Variants in RGPD1 observed in about 807,000 individuals in gnomAD.
RGPD1 encodes RANBP2 like and GRIP domain containing 1, also known as RANBP2-like and GRIP domain-containing protein 1.
Under a neutral mutation model 40.6 loss-of-function variants are expected in RGPD1, and 7 were observed. The ratio of observed to expected loss-of-function variants is 0.17; its 90% CI spans 0.10 to 0.32. The LOEUF is 0.32. RGPD1 is among the 10% of genes least tolerant of loss of function. The pLI is 1.00. For missense variants in RGPD1, 50 were observed against 472.5 expected, an observed-to-expected ratio of 0.11 and a Z score of 8.29; for synonymous variants, 24 against 167.0, an observed-to-expected ratio of 0.14 and a Z score of 6.60.
chr2:86,926,860 A>T (rs1678545232), intron 1 of RGPD1, among the ~76,000 whole-genome samples: 2 of 151,800 alleles, frequency 1.3e-5, no homozygotes, highest in African/African-American at 4.8e-5. Context: ...CCTACTTGCA[A>T]TATTATCTTC....
upstream of RGPD1, among the ~76,000 whole-genome samples, chr2:86,941,736 G>A (rs1235161386): frequency 6.7e-6 from 1 of 150,240 alleles, no homozygotes; most frequent in African/African-American, 2.5e-5. Flanking sequence ...TTTTTTTTAG[G>A]AAGTCTTACT....
At chr2:86,956,092 A>G (rs1229002970) in intron 4 of RGPD1, among the ~76,000 whole-genome samples, 3 of 143,854 alleles carry the variant, frequency 2.1e-5, no homozygotes, top group African/African-American at 7.8e-5. Flanking sequence ...TTCTCCTAAA[A>G]TTTAAGGCTT....
chr2:86,927,464 TCTG>T (rs1483220465), intron 1 of RGPD1, among the ~76,000 whole-genome samples: 4 of 150,726 alleles, frequency 2.7e-5, no homozygotes, highest in Non-Finnish European at 5.9e-5. Context: ...GTGTTTCCTC[TCTG>T]CTAAGTATAG....
chr2:86,943,655 G>C (rs567502851), intron 1 of RGPD1, among the ~76,000 whole-genome samples: 20 of 152,280 alleles, frequency 1.3e-4, no homozygotes, highest in Non-Finnish European at 2.8e-4. Context: ...TAAACATTTA[G>C]GGTATTGCTT....
intron 1 of RGPD1, among the ~76,000 whole-genome samples, chr2:86,943,505 G>A (rs551329532): frequency 1.3e-5 from 2 of 152,200 alleles, no homozygotes; most frequent in African/African-American, 4.8e-5. Flanking sequence ...AGGTGGATGT[G>A]CACAGAATCT....
At chr2:86,919,093 A>ATC (rs1677948113) in intron 1 of RGPD1, among the ~76,000 whole-genome samples, 1 of 42,844 alleles carries the variant, frequency 2.3e-5, no homozygotes, top group Admixed American at 2.6e-4. Context: ...CAAGAATTGA[A>ATC]TCTTAAAAGA....
chr2:86,934,440 A>C (rs1393540179), intron 1 of RGPD1: 1 of 127,468 alleles, frequency 7.8e-6, no homozygotes, highest in African/African-American at 3.0e-5. Flanking sequence ...AAGAATACAT[A>C]GTCATCATTG....
intron 1 of RGPD1, chr2:86,930,635 AC>A (rs1435314756): frequency 8.7e-6 from 14 of 1,611,256 alleles, no homozygotes; most frequent in African/African-American, 1.3e-5. Context: ...AGCAGTGAAC[AC>A]TCTCACAGAG....
chr2:86,942,193 T>C lies in RGPD1; in HGVS notation c.-44T>C, dbSNP rs76156574. 1.9e-6 allele frequency: 3 copies of C among 1,541,720 alleles called. No homozygotes were observed. Among genetic ancestry groups the C allele is most frequent in the Non-Finnish European group, 2.6e-6 (3 of 1,137,776 alleles). On this transcript the variant is annotated 5_prime_UTR_variant, in exon 1 of 23. Transcript: ENST00000641458. ...TTGGAATTGGCGACTGCTGCGGGGCTGAGCGCTGGTTTCACGCGTCTCGGG... is the reference window on the plus strand; with the variant it reads ...TTGGAATTGGCGACTGCTGCGGGGCCGAGCGCTGGTTTCACGCGTCTCGGG...
chr2:86,978,095 CTTG>C (rs1416480289), intron 17 of RGPD1, among the ~76,000 whole-genome samples, 164 bp downstream of exon 17: 7 of 119,100 alleles, frequency 5.9e-5, no homozygotes, highest in East Asian at 2.1e-4. Flanking sequence ...AAGGCAGGGT[CTTG>C]TTGTGCAGGC....
At chr2:86,939,302 A>G (rs147842983), upstream of RGPD1, among the ~76,000 whole-genome samples, 1,699 of 145,894 alleles carry the variant, frequency 0.012, 111 homozygotes, top group African/African-American at 0.014. Context: ...GATGCTGGGC[A>G]CGGTGGATGC....
At chr2:86,914,031 G>A in intron 1 of RGPD1, 1 of 57,964 alleles carries the variant, frequency 1.7e-5, no homozygotes, top group Non-Finnish European at 3.3e-5. Context: ...CGGCGGCGGC[G>A]GCGGCGGCGG....
intron 1 of RGPD1, among the ~76,000 whole-genome samples, chr2:86,942,617 C>G (rs1489652086): frequency 7.5e-6 from 1 of 133,602 alleles, no homozygotes. Flanking sequence ...GGGCGCTGCT[C>G]CCTGGCGCGC....
rs1680404420 is a variant in RGPD1 at position 86,947,635 on chromosome 2, C to T, written c.73-3661C>T. 4.9e-5 allele frequency among the ~76,000 whole-genome samples: 6 copies of T among 123,600 alleles called. 1 individual carries two copies. The South Asian group carries it at 1.4e-3, about 29-fold the overall frequency. The allele number at this position is 123,600 out of a possible 152,430, so 81.1% of individuals were successfully genotyped here. A position where few individuals can be genotyped will look rare whatever the true frequency, so the allele number is the denominator to read the frequency against. On this transcript the variant is annotated intron_variant, in intron 1 of 22. Coordinates refer to ENST00000641458, the MANE Select transcript of RGPD1 (RefSeq NM_001382344.1). ...CTTACCCTTTTTTTAATGATGTTTACCTGAAAGCTGGAGTTTCTCTAATTT... is the reference window on the plus strand; with the variant it reads ...CTTACCCTTTTTTTAATGATGTTTATCTGAAAGCTGGAGTTTCTCTAATTT...
At position 86,988,456 on chromosome 2, in the gene RGPD1, A is replaced by C. The variant is rs1222523427; in HGVS notation, c.4900+657A>C. ...ACTTTGTCTCCAAAAAAAAAAAAAA[A>C]AAACAAAAAAACAAAAAAAACCATG... is the stretch of plus-strand genomic sequence containing the variant. On this transcript the variant is annotated intron_variant, in intron 20 of 22. Transcript: ENST00000641458. Among the ~76,000 whole-genome samples the C allele has an allele frequency of 1.8e-4, 18 of 101,972 alleles. 3 individuals are homozygous for C. The highest frequency in any genetic ancestry group is 6.3e-4 in the African/African-American group (18 of 28,790). 66.9% of individuals were successfully genotyped at this position (101,972 alleles called of 152,430 possible). A position where few individuals can be genotyped will look rare whatever the true frequency, so the allele number is the denominator to read the frequency against.
At chr2:86,931,385 G>C (rs1573584967) in intron 1 of RGPD1, among the ~76,000 whole-genome samples, 1 of 150,120 alleles carries the variant, frequency 6.7e-6, no homozygotes, top group Admixed American at 6.6e-5. Flanking sequence ...TCTATGTTCT[G>C]GTTTATGTTT....
At chr2:86,944,202 T>C (rs1404112535) in intron 1 of RGPD1, among the ~76,000 whole-genome samples, 1 of 152,078 alleles carries the variant, frequency 6.6e-6, no homozygotes, top group African/African-American at 2.4e-5. Flanking sequence ...CAGCAGAATT[T>C]TGGCAGTGGG....
rs968034528 is a variant in RGPD1 at position 86,942,244 on chromosome 2, G to A, written c.8G>A (p.Arg3His). 36 of 1,605,554 alleles carry A rather than the reference G, an allele frequency of 2.2e-5. No individual in the cohort carries two copies. Among genetic ancestry groups the A allele is most frequent in the East Asian group, 9.0e-5 (4 of 44,636 alleles). ...AGCCAGGTTGGCGGTGCGATGAGGC[G>A]CAGCAAGGCCTACGGGGAGCGGTAC... MR[R>H]SKAYGERYVA... The change falls in exon 1 of 23, where the codon CGC becomes CAC. Residue 3 changes from arginine (R) to histidine (H), a missense_variant. By Grantham distance (29) the Arg-to-His change is conservative. Coordinates refer to ENST00000641458, the MANE Select transcript of RGPD1 (RefSeq NM_001382344.1).
rs202136141 is a variant in RGPD1 at position 86,914,591 on chromosome 2, C to T, written c.72+670C>T. Among the ~76,000 whole-genome samples the T allele has an allele frequency of 1.5e-4, 9 of 61,310 alleles. No individual in the cohort carries two copies. In the East Asian group the frequency reaches 3.9e-3, roughly 26 times the overall value. The allele number at this position is 61,310 out of a possible 152,430, so 40.2% of individuals were successfully genotyped here. ...GCGGCGGCCTCGGCCTCGGCCTCGG[C>T]CTTGGCCTCGACCTGGCCGGGCGGC... On this transcript the variant is annotated intron_variant, in intron 1 of 22. Coordinates refer to the RGPD1 transcript ENST00000398193.
Sources: gnomAD v4.1 joint callset for allele counts (sites outside exome capture counted in the v4.1 genomes callset) on GRCh38, gnomAD v4.1.1 for gene constraint, MANE v1.5 for transcripts, NCBI Gene and HGNC (gene_info 2026-07-23, HGNC 2026-07-21) for gene names.